DMD: variants seen among roughly 807,000 people sequenced by gnomAD.
DMD encodes the protein dystrophin.
In DMD, 63 loss-of-function variants were observed where a neutral mutation model predicts 330.1. The observed-to-expected ratio is 0.19, with a 90% CI of 0.16 to 0.24. The LOEUF is 0.24. Ranked by LOEUF, DMD falls within the 10% of genes least tolerant of loss-of-function variation. The pLI is 1.00. For missense variants in DMD, 3,344 were observed against 2,684.1 expected, an observed-to-expected ratio of 1.25 and a Z score of -5.43; for synonymous variants, 1,223 against 959.8, an observed-to-expected ratio of 1.27 and a Z score of -5.07.
intron 6 of DMD, among the ~76,000 whole-genome samples, chrX:32,814,168 G>A (rs1301624178): frequency 8.9e-6 from 1 of 111,767 alleles, no homozygotes; most frequent in Non-Finnish European, 1.9e-5. Flanking sequence ...ATTTGCTGTG[G>A]TAATACACTA....
At chrX:32,598,777 G>T (rs1216276597) in intron 12 of DMD, among the ~76,000 whole-genome samples, 1 of 111,840 alleles carries the variant, frequency 8.9e-6, no homozygotes, top group African/African-American at 3.2e-5. Flanking sequence ...TTGCCATATT[G>T]ATCAAGGGTT....
chrX:32,776,631 G>C (rs1415161702), intron 7 of DMD, among the ~76,000 whole-genome samples: 9 of 110,955 alleles, frequency 8.1e-5, no homozygotes, highest in Admixed American at 7.7e-4. Flanking sequence ...CACAAGAAGA[G>C]CATGGGGACA....
intron 52 of DMD, among the ~76,000 whole-genome samples, chrX:31,684,638 C>T (rs2082575987): frequency 2.7e-5 from 3 of 111,939 alleles, no homozygotes; most frequent in Admixed American, 1.9e-4. Flanking sequence ...AGAGAAAACC[C>T]ATTGCTTCTT....
intron 60 of DMD, among the ~76,000 whole-genome samples, chrX:31,378,846 C>A (rs977367005): frequency 9.0e-6 from 1 of 110,892 alleles, no homozygotes; most frequent in Non-Finnish European, 1.9e-5. Flanking sequence ...TCAACTCACA[C>A]CTGACCTAAA....
At chrX:33,074,209 C>G (rs1382271794) in intron 1 of DMD, among the ~76,000 whole-genome samples, 1 of 111,599 alleles carries the variant, frequency 9.0e-6, no homozygotes, top group Admixed American at 9.6e-5. Flanking sequence ...CGAGCTGTAA[C>G]CAATCCAGCT....
At chrX:31,919,475 A>AAAT (rs776978327) in intron 47 of DMD, among the ~76,000 whole-genome samples, 1 of 112,070 alleles carries the variant, frequency 8.9e-6, no homozygotes, top group Admixed American at 9.5e-5. Context: ...CCATCAGAAC[A>AAAT]AATAGAGTTT....
At chrX:33,326,832 G>T (rs2054095472) in intron 1 of DMD, among the ~76,000 whole-genome samples, 1 of 110,741 alleles carries the variant, frequency 9.0e-6, no homozygotes, top group African/African-American at 3.3e-5. Context: ...CAGATATGGG[G>T]ATCTAAACTA....
intron 50 of DMD, among the ~76,000 whole-genome samples, chrX:31,789,651 T>C (rs2091476587): frequency 8.9e-6 from 1 of 111,739 alleles, no homozygotes; most frequent in African/African-American, 3.2e-5. Flanking sequence ...ATGATGTTTC[T>C]TTTTTCCTAA....
chrX:32,778,435 A>G (rs1294577490), intron 7 of DMD, among the ~76,000 whole-genome samples: 6 of 111,009 alleles, frequency 5.4e-5, no homozygotes, highest in African/African-American at 2.0e-4. Flanking sequence ...AACTGAACAG[A>G]AAAAAAACTA....
intron 2 of DMD, among the ~76,000 whole-genome samples, chrX:32,961,009 CTTGT>C (rs1418894718): frequency 6.7e-4 from 73 of 109,388 alleles, no homozygotes; most frequent in African/African-American, 2.3e-3. Flanking sequence ...GTATTTTTCC[CTTGT>C]AAAATTGTAT....
intron 55 of DMD, among the ~76,000 whole-genome samples, chrX:31,593,174 A>G (rs2076957540): frequency 9.0e-6 from 1 of 111,565 alleles, no homozygotes. Context: ...AGAAAATCTA[A>G]AAGTGGAAAT....
At chrX:31,484,871 T>G (rs749144043) in intron 57 of DMD, among the ~76,000 whole-genome samples, 1 of 112,230 alleles carries the variant, frequency 8.9e-6, no homozygotes, top group Non-Finnish European at 1.9e-5. Flanking sequence ...TCTTTGTCAT[T>G]AAGGAGCCAA....
At chrX:32,973,192 G>A (rs1602330917) in intron 2 of DMD, among the ~76,000 whole-genome samples, 1 of 112,049 alleles carries the variant, frequency 8.9e-6, no homozygotes, top group East Asian at 2.8e-4. Context: ...TGATTTAGTG[G>A]CAAGATGGTA....
chrX:32,904,624 G>C (rs952591639), intron 2 of DMD, among the ~76,000 whole-genome samples: 2 of 111,919 alleles, frequency 1.8e-5, no homozygotes, highest in African/African-American at 6.5e-5. Context: ...ACCCAGGCTG[G>C]AGTGCAATGG....
At chrX:32,574,998 G>A (rs1208268847) in intron 13 of DMD, among the ~76,000 whole-genome samples, 1 of 109,836 alleles carries the variant, frequency 9.1e-6, no homozygotes, top group Non-Finnish European at 1.9e-5. Flanking sequence ...CCTGGATTCA[G>A]GGAATTCTCC....
intron 7 of DMD, among the ~76,000 whole-genome samples, chrX:32,708,444 C>T (rs747799824): frequency 7.9e-4 from 88 of 111,229 alleles, no homozygotes; most frequent in African/African-American, 2.8e-3. Context: ...CAGTTTTTAT[C>T]TATAAAATGA....
At chrX:31,820,568 T>A (rs2092731368) in intron 49 of DMD, among the ~76,000 whole-genome samples, 1 of 111,882 alleles carries the variant, frequency 8.9e-6, no homozygotes, top group Non-Finnish European at 1.9e-5. Flanking sequence ...TTGTTCTAGA[T>A]GATGGAAATG....
At chrX:32,262,682 T>C (rs1324233768) in intron 43 of DMD, among the ~76,000 whole-genome samples, 3 of 111,139 alleles carry the variant, frequency 2.7e-5, no homozygotes, top group Admixed American at 1.9e-4. Flanking sequence ...GAAGCATTCA[T>C]TCTCCCAGTT....
chrX:31,145,885 A>G (rs2036631529), intron 76 of DMD, among the ~76,000 whole-genome samples: 2 of 110,556 alleles, frequency 1.8e-5, no homozygotes, highest in Admixed American at 1.9e-4. Context: ...CTGGTCTTCA[A>G]CTCCTAACCT....
Sources: allele counts gnomAD v4.1 joint callset (sites outside exome capture counted in the v4.1 genomes callset), GRCh38; gene constraint gnomAD v4.1.1; transcripts MANE v1.5; gene names NCBI Gene and HGNC (gene_info 2026-07-23, HGNC 2026-07-21).